BACH1: variants seen among roughly 807,000 people sequenced by gnomAD.
The protein encoded by BACH1 is transcription regulator protein BACH1.
In BACH1, 35 loss-of-function variants were observed where a neutral mutation model predicts 52.9. That is an observed-to-expected ratio of 0.66 (90% CI 0.51 to 0.88). BACH1 has a LOEUF of 0.88. BACH1 is among the 40% of genes least tolerant of loss of function. The pLI, the probability that BACH1 is intolerant of heterozygous loss-of-function variation, is 0.00. For synonymous variants in BACH1, 321 were observed against 319.6 expected, an observed-to-expected ratio of 1.00 and a Z score of -0.05; for missense variants, 808 against 872.6, an observed-to-expected ratio of 0.93 and a Z score of 0.93.
intron 2 of BACH1, among the ~76,000 whole-genome samples, chr21:29,353,975 A>C (rs1329348714): frequency 6.6e-6 from 1 of 152,162 alleles, no homozygotes; most frequent in African/African-American, 2.4e-5. Context: ...GGCTTCTGCC[A>C]GGGAGGGAGG....
chr21:29,306,880 C>A (rs2088663829), intron 1 of BACH1, among the ~76,000 whole-genome samples: 2 of 151,880 alleles, frequency 1.3e-5, no homozygotes, highest in African/African-American at 4.8e-5. Flanking sequence ...TTGAAAATGC[C>A]AATTTTGTCA....
chr21:29,341,236 C>T (rs1217217324), intron 4 of BACH1, among the ~76,000 whole-genome samples: 1 of 152,156 alleles, frequency 6.6e-6, no homozygotes, highest in African/African-American at 2.4e-5. Flanking sequence ...TAAAGGATGG[C>T]ACTTATAGAT....
chr21:29,308,578 TTTTG>T (rs1314662838), intron 1 of BACH1, among the ~76,000 whole-genome samples: 1 of 152,332 alleles, frequency 6.6e-6, no homozygotes, highest in East Asian at 1.9e-4. Flanking sequence ...AGAGCACTTT[TTTTG>T]TTTATTTTAT....
chr21:29,321,373 T>G lies in BACH1; in HGVS notation c.93T>G (p.Asp31Glu). The G allele has an allele frequency of 6.2e-7, 1 of 1,614,216 alleles. No homozygotes were observed. Among genetic ancestry groups the G allele is most frequent in the Non-Finnish European group, 8.5e-7 (1 of 1,180,036 alleles). The change falls in exon 2 of 5, where the codon GAT becomes GAG. Residue 31 changes from aspartate (D) to glutamate (E), a missense_variant. Transcript: ENST00000286800. ...GCCTTAATGACCAGCGGAAGAAAGA[T>G]GTGCTGTGCGATGTCACCATCTTTG... ...LLSLNDQRKK[D>E]VLCDVTIFVE...
At chr21:29,319,564 C>T (rs778694410) in intron 1 of BACH1, among the ~76,000 whole-genome samples, 1 of 151,498 alleles carries the variant, frequency 6.6e-6, no homozygotes, top group Non-Finnish European at 1.5e-5. Flanking sequence ...CAAGAGCCTG[C>T]GACTGCACAT....
chr21:29,349,566 C>T (rs1283933473), downstream of BACH1, among the ~76,000 whole-genome samples: 1 of 152,068 alleles, frequency 6.6e-6, no homozygotes, highest in Non-Finnish European at 1.5e-5. Flanking sequence ...TCTTGCAGTC[C>T]GTGAGAGGTG....
chr21:29,309,946 C>G (rs1473839959), intron 1 of BACH1, among the ~76,000 whole-genome samples: 2 of 152,186 alleles, frequency 1.3e-5, no homozygotes, highest in African/African-American at 4.8e-5. Context: ...CACATTTGCC[C>G]TTGTTCACAT....
chr21:29,334,753 T>C (rs1176286696), intron 4 of BACH1, among the ~76,000 whole-genome samples: 4 of 152,252 alleles, frequency 2.6e-5, no homozygotes, highest in Non-Finnish European at 4.4e-5. Context: ...TCATTACTTT[T>C]GTCCATTATG....
At chr21:29,342,310 A>G in intron 4 of BACH1, 89 bp from the exon 5 acceptor site, 2 of 1,272,450 alleles carry the variant, frequency 1.6e-6, no homozygotes, top group Non-Finnish European at 2.2e-6. Context: ...TTACTTGATG[A>G]GAAGCCCCTG....
downstream of BACH1, among the ~76,000 whole-genome samples, chr21:29,349,599 G>A (rs1343359153): frequency 6.6e-6 from 1 of 152,114 alleles, no homozygotes; most frequent in Non-Finnish European, 1.5e-5. Flanking sequence ...CTGCCAGTTG[G>A]GTTTAAGATC....
intron 1 of BACH1, among the ~76,000 whole-genome samples, chr21:29,310,167 A>G (rs1443720805): frequency 6.6e-6 from 1 of 152,244 alleles, no homozygotes; most frequent in Non-Finnish European, 1.5e-5. Flanking sequence ...ACTGTAGGAA[A>G]TATCTACTCT....
chr21:29,324,272 C>G (rs2088883436), intron 2 of BACH1, among the ~76,000 whole-genome samples: 1 of 149,398 alleles, frequency 6.7e-6, no homozygotes, highest in Non-Finnish European at 1.5e-5. Context: ...CTTGCCAACA[C>G]AAAGATCCCT....
chr21:29,317,074 G>A (rs1445684727), intron 1 of BACH1, among the ~76,000 whole-genome samples: 2 of 152,234 alleles, frequency 1.3e-5, no homozygotes, highest in African/African-American at 4.8e-5. Flanking sequence ...ATCAGCAGTA[G>A]CATTAGATTC....
chr21:29,357,261 G>C (rs917712600), intron 2 of BACH1, among the ~76,000 whole-genome samples: 2 of 152,198 alleles, frequency 1.3e-5, no homozygotes, highest in African/African-American at 4.8e-5. Flanking sequence ...GGCATAACCT[G>C]CCCTTCGTAT....
chr21:29,333,664 CT>C (rs2123461343), intron 4 of BACH1, among the ~76,000 whole-genome samples: 1 of 152,198 alleles, frequency 6.6e-6, no homozygotes, highest in African/African-American at 2.4e-5. Flanking sequence ...AATCTTGGAA[CT>C]TTTTGCAGTT....
At chr21:29,325,453 G>A (rs559345056) in intron 2 of BACH1, among the ~76,000 whole-genome samples, 17 of 152,262 alleles carry the variant, frequency 1.1e-4, no homozygotes, top group East Asian at 5.8e-4. Context: ...AAACAGTACC[G>A]AGGCATGATT....
At chr21:29,329,738 C>A (rs757481375) in intron 4 of BACH1, 45 bp downstream of exon 4, 1 of 1,350,104 alleles carries the variant, frequency 7.4e-7, no homozygotes, top group Non-Finnish European at 9.8e-7. Flanking sequence ...CCACCACTTT[C>A]TTTTTTGTCA....
At chr21:29,309,173 G>T (rs571943439) in intron 1 of BACH1, among the ~76,000 whole-genome samples, 1 of 151,434 alleles carries the variant, frequency 6.6e-6, no homozygotes, top group African/African-American at 2.4e-5. Flanking sequence ...CATGAGAATT[G>T]CTTGAACCTG....
Position 29,342,865 on chromosome 21 carries a change from T to C in BACH1, c.*32T>C, listed in dbSNP as rs750036850. 44 of 1,537,420 alleles carry C rather than the reference T, an allele frequency of 2.9e-5. No individual in the cohort carries two copies. In the Admixed American group the frequency reaches 8.9e-4, roughly 31 times the overall value. Reference sequence around the variant, plus strand: ...ATTCACTTCCTTCAAACCATCTAATTTTCTCCTGAAGTTTTGGCAGCGTCT... The same window carrying C: ...ATTCACTTCCTTCAAACCATCTAATCTTCTCCTGAAGTTTTGGCAGCGTCT... On this transcript the variant is annotated 3_prime_UTR_variant, in exon 5 of 5. Coordinates refer to ENST00000286800, the MANE Select transcript of BACH1 (RefSeq NM_001186.4).
Sources: gnomAD v4.1 joint callset for allele counts (sites outside exome capture counted in the v4.1 genomes callset) on GRCh38, gnomAD v4.1.1 for gene constraint, MANE v1.5 for transcripts, NCBI Gene and HGNC (gene_info 2026-07-23, HGNC 2026-07-21) for gene names.